The following MNAT1 variants were observed in gnomAD, a reference collection of about 807,000 sequenced individuals.
MNAT1 encodes the protein CDK-activating kinase assembly factor MAT1.
Under a neutral mutation model 42.0 loss-of-function variants are expected in MNAT1, and 43 were observed. The observed-to-expected ratio is 1.02, with a 90% CI of 0.80 to 1.32. The LOEUF is 1.32. Among genes scored for constraint, MNAT1 ranks in the 40% most tolerant of loss-of-function variants. The pLI is 0.00. For missense variants in MNAT1, 306 were observed against 350.4 expected (o/e 0.87, Z 1.01); for synonymous variants, 118 against 120.0 (o/e 0.98, Z 0.11).
intron 1 of MNAT1, among the ~76,000 whole-genome samples, chr14:60,741,785 A>G (rs1470004449): frequency 6.7e-6 from 1 of 150,256 alleles, no homozygotes; most frequent in Non-Finnish European, 1.5e-5. Flanking sequence ...AGGTATTACA[A>G]GAGTGAGCTG....
In MNAT1 at chr14:60,891,672, C is replaced by G. The variant is rs542255161; in HGVS notation, c.809+11837C>G. ...TTTACCACGTTGGCCAGGCTGGTCT[C>G]GAACTCCTGACTTCAAGTGATCTGC... On this transcript the variant is annotated intron_variant, in intron 7 of 7. Transcript: ENST00000261245. 2.6e-5 allele frequency among the ~76,000 whole-genome samples: 4 copies of G among 152,084 alleles called. No homozygotes were observed. In the South Asian group the frequency reaches 8.3e-4, roughly 32 times the overall value.
chr14:60,904,267 T>C (rs954669584), intron 7 of MNAT1, among the ~76,000 whole-genome samples: 6 of 152,250 alleles, frequency 3.9e-5, no homozygotes, highest in Admixed American at 6.5e-5. Context: ...GCAATATGCA[T>C]GTGTATATAA....
At chr14:60,905,011 G>A (rs1193810430) in intron 7 of MNAT1, among the ~76,000 whole-genome samples, 1 of 98,154 alleles carries the variant, frequency 1.0e-5, no homozygotes, top group African/African-American at 3.3e-5. Flanking sequence ...GTCTCGCTCT[G>A]TTGCCCAGGC....
chr14:60,815,266 A>G (rs1259095114), intron 5 of MNAT1, among the ~76,000 whole-genome samples: 6 of 150,794 alleles, frequency 4.0e-5, no homozygotes, highest in Non-Finnish European at 8.8e-5. Context: ...CCCCAGCTGG[A>G]GTGCAGTGGC....
chr14:60,955,034 T>C (rs2036458044), intron 7 of MNAT1, among the ~76,000 whole-genome samples: 1 of 152,170 alleles, frequency 6.6e-6, no homozygotes, highest in Non-Finnish European at 1.5e-5. Context: ...GATTTCCATA[T>C]GTTGCATCCC....
chr14:60,885,473 ACT>A (rs1465613189), intron 7 of MNAT1, among the ~76,000 whole-genome samples: 5 of 151,246 alleles, frequency 3.3e-5, no homozygotes, highest in African/African-American at 1.2e-4. Context: ...CTATTAAGAG[ACT>A]CTGGTTTTTG....
chr14:60,859,253 T>A (rs11623289), intron 6 of MNAT1, among the ~76,000 whole-genome samples: 144,122 of 152,270 alleles, frequency 0.95, 68,481 homozygotes, highest in Non-Finnish European at 0.99. Context: ...TTGGTAGGTC[T>A]TGAGATGTCT....
rs112051661 is a variant in MNAT1 at position 60,815,825 on chromosome 14, A to G, written c.562-2897A>G. Reference sequence around the variant, plus strand: ...TTACAACAGATTGGTTTAGAATACCACTGCAGTTTGAATTTCTGGTTTTCA... The same window carrying G: ...TTACAACAGATTGGTTTAGAATACCGCTGCAGTTTGAATTTCTGGTTTTCA... On this transcript the variant is annotated intron_variant, in intron 5 of 7. Coordinates refer to ENST00000261245, the MANE Select transcript of MNAT1 (RefSeq NM_002431.4). 5.5e-4 allele frequency among the ~76,000 whole-genome samples: 83 copies of G among 152,292 alleles called. 1 individual carries two copies. The highest frequency in any genetic ancestry group is 1.9e-3 in the African/African-American group (79 of 41,564).
At chr14:60,948,383 C>T (rs1314286336) in intron 7 of MNAT1, among the ~76,000 whole-genome samples, 1 of 152,104 alleles carries the variant, frequency 6.6e-6, no homozygotes, top group Non-Finnish European at 1.5e-5. Flanking sequence ...GATTGTGGCA[C>T]TGCACACCAG....
At position 60,927,134 on chromosome 14, in the gene MNAT1, T is replaced by A. The variant is rs144278438; in HGVS notation, c.810-41095T>A. On this transcript the variant is annotated intron_variant, in intron 7 of 7. Coordinates refer to ENST00000261245, the MANE Select transcript of MNAT1 (RefSeq NM_002431.4). ...TTACATGTTCAAAAGGAAAACTATA[T>A]CTTCTGACTTGATGTGGGCCTTCTT... 9.8e-5 allele frequency among the ~76,000 whole-genome samples: 15 copies of A among 152,290 alleles called. No homozygotes were observed. In the East Asian group the frequency reaches 2.9e-3, roughly 29 times the overall value.
At chr14:60,930,187 T>G (rs190270769) in intron 7 of MNAT1, among the ~76,000 whole-genome samples, 124 of 147,258 alleles carry the variant, frequency 8.4e-4, no homozygotes, top group Middle Eastern at 3.6e-3. Flanking sequence ...TCTTTATTAC[T>G]AAAGATTCTT....
chr14:60,794,660 A>AAAAATAT (rs1555375163), intron 1 of MNAT1, among the ~76,000 whole-genome samples: 2 of 28,634 alleles, frequency 7.0e-5, no homozygotes, highest in African/African-American at 2.9e-4. Context: ...AAAAAAAAAA[A>AAAAATAT]ATATATATAT....
intron 7 of MNAT1, among the ~76,000 whole-genome samples, chr14:60,885,457 A>G (rs539681583): frequency 6.6e-6 from 1 of 152,002 alleles, no homozygotes; most frequent in African/African-American, 2.4e-5. Context: ...TGCTTAATCA[A>G]TTCTGCTATT....
intron 6 of MNAT1, among the ~76,000 whole-genome samples, chr14:60,859,590 G>A (rs368763720): frequency 1.3e-5 from 2 of 152,258 alleles, no homozygotes; most frequent in African/African-American, 4.8e-5. Context: ...AAAATGAGAA[G>A]TGAATGGTTC....
At chr14:60,779,415 A>G (rs1052870786) in intron 1 of MNAT1, among the ~76,000 whole-genome samples, 1 of 152,202 alleles carries the variant, frequency 6.6e-6, no homozygotes, top group Admixed American at 6.5e-5. Context: ...TGGCCAGGAA[A>G]TCAACTACAG....
intron 7 of MNAT1, among the ~76,000 whole-genome samples, chr14:60,891,910 T>C (rs896926404): frequency 6.6e-6 from 1 of 152,242 alleles, no homozygotes; most frequent in Non-Finnish European, 1.5e-5. Context: ...GAAACATTGG[T>C]TATTTAATAG....
chr14:60,756,367 T>C (rs2030349893), intron 1 of MNAT1, among the ~76,000 whole-genome samples: 1 of 152,250 alleles, frequency 6.6e-6, no homozygotes, highest in Admixed American at 6.5e-5. Flanking sequence ...TGTCAGATAA[T>C]GTTTTGTTAC....
intron 5 of MNAT1, among the ~76,000 whole-genome samples, chr14:60,813,389 T>C (rs919324080): frequency 1.3e-5 from 2 of 152,176 alleles, no homozygotes; most frequent in Non-Finnish European, 2.9e-5. Context: ...ACCGTGAATC[T>C]AGTGAAGGGG....
At chr14:60,840,932 TG>T (rs2033532158) in intron 6 of MNAT1, among the ~76,000 whole-genome samples, 1 of 152,178 alleles carries the variant, frequency 6.6e-6, no homozygotes, top group Admixed American at 6.5e-5. Flanking sequence ...CCCAAGGTGC[TG>T]GGATTACAGG....
Sources: gnomAD v4.1 joint callset for allele counts (sites outside exome capture counted in the v4.1 genomes callset) on GRCh38, gnomAD v4.1.1 for gene constraint, MANE v1.5 for transcripts, NCBI Gene and HGNC (gene_info 2026-07-23, HGNC 2026-07-21) for gene names.